DNAAF5: variants seen among roughly 807,000 people sequenced by gnomAD.
DNAAF5 encodes the protein HEAT repeat containing 2.
DNAAF5 carries 64 observed loss-of-function variants against 75.8 expected under a neutral mutation model. That is an observed-to-expected ratio of 0.84 (90% CI 0.69 to 1.04). The LOEUF is 1.04. DNAAF5 is among the 50% of genes least tolerant of loss of function. The pLI is 0.00. For missense variants in DNAAF5, 1,269 were observed against 1,178.5 expected (o/e 1.08, Z -1.12); for synonymous variants, 657 against 557.2 (o/e 1.18, Z -2.52).
chr7:735,525 G>A lies in DNAAF5; in HGVS notation c.781-5294G>A, dbSNP rs538626661. ...TGTAGTTGCTGATATTGTTGCTCAC[G>A]GTTTTCTTCATGGTGTAGCTGCTCA... On this transcript the variant is annotated intron_variant, in intron 2 of 12. Transcript: ENST00000297440. Among the ~76,000 whole-genome samples, 8 of 151,940 alleles carry A rather than the reference G, an allele frequency of 5.3e-5. No individual in the cohort carries two copies. In the South Asian group the frequency reaches 1.3e-3, roughly 24 times the overall value.
Position 780,114 on chromosome 7 carries a change from C to G in DNAAF5, c.2401C>G (p.Pro801Ala), listed in dbSNP as rs995200421. 14 of 1,614,008 alleles carry G rather than the reference C, an allele frequency of 8.7e-6. No homozygotes were observed. The highest frequency in any genetic ancestry group is 1.2e-5 in the Non-Finnish European group (14 of 1,180,016). ...YRELLVHLDDPERAIQDAILE... is the reference protein window; with the variant it reads ...YRELLVHLDDAERAIQDAILE... The stretch of plus-strand genomic sequence containing the variant: ...AGAGTTGCTGGTTCACCTTGACGAT[C>G]CAGAGAGGGCCATCCAGGATGCAAT... Residue 801 changes from proline (P) to alanine (A), a missense_variant, in exon 12 of 13, where the codon CCA (proline) becomes GCA (alanine). Physicochemically the swap from Pro to Ala is conservative, Grantham distance 27 (BLOSUM62 -1). Coordinates refer to ENST00000297440, the MANE Select transcript of DNAAF5 (RefSeq NM_017802.4).
At chr7:767,219 A>T (rs1178245216) in intron 8 of DNAAF5, among the ~76,000 whole-genome samples, 4 of 145,570 alleles carry the variant, frequency 2.7e-5, no homozygotes, top group African/African-American at 1.0e-4. Context: ...AGCCTAGGCG[A>T]CAGAGCGAGA....
intron 9 of DNAAF5, 90 bp from the exon 10 acceptor site, chr7:773,957 TC>T (rs994224274): frequency 4.8e-6 from 7 of 1,464,350 alleles, no homozygotes; most frequent in Non-Finnish European, 6.7e-6. Flanking sequence ...CCTGTTTGGC[TC>T]CCCCCTCAGC....
At chr7:727,963 T>C (rs1163456054) in intron 1 of DNAAF5, among the ~76,000 whole-genome samples, 1 of 151,912 alleles carries the variant, frequency 6.6e-6, no homozygotes, top group South Asian at 2.1e-4. Context: ...CTTGCAGGAC[T>C]TGCACCTGGT....
intron 2 of DNAAF5, among the ~76,000 whole-genome samples, chr7:734,734 C>T (rs1015639224): frequency 5.3e-5 from 8 of 152,248 alleles, no homozygotes; most frequent in Admixed American, 3.9e-4. Context: ...CTTTTCATTG[C>T]GGCTTCAATA....
rs1290743415 is a variant in DNAAF5, at chr7:754,129, C to T, written c.1025-460C>T. ...GTCTCTCTGATCATACACGTCAGCA[C>T]GTGTGGCAAGTGTGTTGTTTGCATC... On this transcript the variant is annotated intron_variant, in intron 4 of 12. Transcript: ENST00000297440. This position sits in a 1 kb window ranked among gnomAD's most constrained non-coding sequence, Gnocchi z 4.8. Among the ~76,000 whole-genome samples, 4 of 152,196 alleles carry T rather than the reference C, an allele frequency of 2.6e-5. No homozygotes were observed. The highest frequency in any genetic ancestry group is 9.7e-5 in the African/African-American group (4 of 41,430).
At chr7:756,382 C>A (rs1782484761) in intron 5 of DNAAF5, among the ~76,000 whole-genome samples, 1 of 151,416 alleles carries the variant, frequency 6.6e-6, no homozygotes, top group Non-Finnish European at 1.5e-5. Flanking sequence ...CTGTGGAATC[C>A]CACGGTGCAG....
intron 11 of DNAAF5, among the ~76,000 whole-genome samples, chr7:776,078 G>A (rs1376755119): frequency 6.6e-6 from 1 of 152,122 alleles, no homozygotes; most frequent in African/African-American, 2.4e-5. Context: ...GGTGGCTCAC[G>A]CCTGTAATCC....
At chr7:745,659 A>G (rs560510308) in intron 4 of DNAAF5, among the ~76,000 whole-genome samples, 2 of 149,778 alleles carry the variant, frequency 1.3e-5, no homozygotes, top group African/African-American at 4.9e-5. Flanking sequence ...GTACACACTT[A>G]TCCTCACACA....
chr7:780,826 CTT>C (rs201445917), intron 12 of DNAAF5, among the ~76,000 whole-genome samples: 1,827 of 131,204 alleles, frequency 0.014, 30 homozygotes, highest in East Asian at 0.13. Context: ...TTTTTTTTTT[CTT>C]TTTTTTTTTT....
At chr7:766,208 G>A (rs373457185) in intron 8 of DNAAF5, among the ~76,000 whole-genome samples, 4 of 152,332 alleles carry the variant, frequency 2.6e-5, no homozygotes, top group East Asian at 1.9e-4. Context: ...CTTGGGAGTC[G>A]GGGGCACAGC....
At chr7:776,802 A>G (rs1778775872) in intron 11 of DNAAF5, among the ~76,000 whole-genome samples, 1 of 152,226 alleles carries the variant, frequency 6.6e-6, no homozygotes, top group South Asian at 2.1e-4. Flanking sequence ...GCCATGGGCC[A>G]GTACCTGTCC....
chr7:737,067 G>GTTATTT (rs1183366037), intron 2 of DNAAF5, among the ~76,000 whole-genome samples: 4 of 151,660 alleles, frequency 2.6e-5, no homozygotes, highest in African/African-American at 9.7e-5. Flanking sequence ...AGTCATTGTA[G>GTTATTT]TTATTTTTAT....
intron 8 of DNAAF5, chr7:768,879 A>G: frequency 2.1e-6 from 1 of 486,600 alleles, no homozygotes; most frequent in Non-Finnish European, 3.7e-6. Flanking sequence ...AGAGAGGGTG[A>G]AACAGTCAGA....
chr7:740,145 C>T (rs149408711), intron 2 of DNAAF5, among the ~76,000 whole-genome samples: 118 of 152,310 alleles, frequency 7.7e-4, no homozygotes, highest in African/African-American at 2.7e-3. Flanking sequence ...TCTTCCTGGC[C>T]GTTCCCGCTT....
chr7:741,413 G>A lies in DNAAF5; in HGVS notation c.972G>A (p.Leu324=), dbSNP rs1246787764. Residue 324 remains leucine, a synonymous_variant, in exon 4 of 13, where the codon CTG becomes CTA. Coordinates refer to ENST00000297440, the MANE Select transcript of DNAAF5 (RefSeq NM_017802.4). ...LQWQKENEED[L]KDKLDFAPPT... ...GGCAGAAGGAGAATGAGGAGGACCT[G>A]AAGGACAAGCTGGACTTTGCCCCTC... The A allele has an allele frequency of 6.3e-7, 1 of 1,576,504 alleles. No homozygotes were observed. Among genetic ancestry groups the A allele is most frequent in the Admixed American group, 1.9e-5 (1 of 53,398 alleles).
intron 6 of DNAAF5, among the ~76,000 whole-genome samples, chr7:757,490 A>G (rs868452393): frequency 6.6e-6 from 1 of 152,170 alleles, no homozygotes; most frequent in African/African-American, 2.4e-5. Context: ...CTCAGGGGGC[A>G]CTGACAGCCT....
chr7:739,639 C>T (rs549749595), intron 2 of DNAAF5, among the ~76,000 whole-genome samples: 4 of 152,310 alleles, frequency 2.6e-5, no homozygotes, highest in Non-Finnish European at 4.4e-5. Flanking sequence ...GGGAGTCAGG[C>T]GCAACGGGCC....
chr7:779,764 T>C, intron 11 of DNAAF5, 189 bp from the exon 12 acceptor site: 1 of 580,526 alleles, frequency 1.7e-6, no homozygotes, highest in Non-Finnish European at 3.0e-6. Flanking sequence ...TGGCTGGGGT[T>C]CAGGGGTCCC....
Sources: allele counts gnomAD v4.1 joint callset (sites outside exome capture counted in the v4.1 genomes callset), GRCh38; gene constraint gnomAD v4.1.1; non-coding constraint Gnocchi (gnomAD v3.1); transcripts MANE v1.5; gene names NCBI Gene and HGNC (gene_info 2026-07-23, HGNC 2026-07-21).